COL28A1: variants seen among roughly 807,000 people sequenced by gnomAD.
COL28A1 encodes collagen type XXVIII alpha 1 chain.
Under a neutral mutation model 150.2 loss-of-function variants are expected in COL28A1, and 161 were observed. That is an observed-to-expected ratio of 1.07 (90% CI 0.94 to 1.22). The LOEUF (loss-of-function observed/expected upper bound fraction) is 1.22. Ranked by LOEUF, COL28A1 falls within the 50% of genes most tolerant of loss-of-function variation. The pLI is 0.00. For synonymous variants in COL28A1, 552 were observed against 469.7 expected (o/e 1.18, Z -2.26); for missense variants, 1,617 against 1,388.3 (o/e 1.16, Z -2.62).
Position 7,448,634 on chromosome 7 carries a change from A to G in COL28A1, c.1509+3685T>C, listed in dbSNP as rs987395942. On this transcript the variant is annotated intron_variant, in intron 18 of 34. Coordinates refer to ENST00000399429, the MANE Select transcript of COL28A1 (RefSeq NM_001037763.3). ...CATTTATAACATTTTATTTATGATAAAATTTATAAAAATTTATAAAATTTA... is the reference window on the plus strand; with the variant it reads ...CATTTATAACATTTTATTTATGATAGAATTTATAAAAATTTATAAAATTTA... 2.0e-5 allele frequency among the ~76,000 whole-genome samples: 3 copies of G among 151,222 alleles called. No homozygotes were observed. In the South Asian group the frequency reaches 6.2e-4, roughly 31 times the overall value.
chr7:7,522,046 C>T (rs1481101853), intron 4 of COL28A1, 85 bp from the exon 5 acceptor site: 1 of 786,390 alleles, frequency 1.3e-6, no homozygotes, highest in Non-Finnish European at 2.3e-6. Context: ...AAATACATTT[C>T]AAAGTGTATT....
chr7:7,485,163 T>C (rs1004927739), intron 13 of COL28A1, among the ~76,000 whole-genome samples: 2 of 152,040 alleles, frequency 1.3e-5, no homozygotes, highest in African/African-American at 4.8e-5. Context: ...TAAAGTTTAG[T>C]AACCACAAAA....
intron 21 of COL28A1, among the ~76,000 whole-genome samples, chr7:7,440,568 C>T (rs1049878866): frequency 9.9e-5 from 15 of 152,190 alleles, no homozygotes; most frequent in African/African-American, 3.4e-4. Flanking sequence ...AAATTAGGAA[C>T]ATAAGTATTT....
At chr7:7,392,125 C>G (rs187227045) in intron 27 of COL28A1, among the ~76,000 whole-genome samples, 135 of 152,296 alleles carry the variant, frequency 8.9e-4, no homozygotes, top group Non-Finnish European at 1.6e-3. Context: ...CTGGTTGTTC[C>G]TTTCCATGTT....
chr7:7,503,570 G>C (rs1477121961), intron 11 of COL28A1, among the ~76,000 whole-genome samples: 4 of 152,156 alleles, frequency 2.6e-5, no homozygotes, highest in Non-Finnish European at 5.9e-5. Context: ...TTTCCAGATT[G>C]AGGAACAAAA....
At chr7:7,338,284 C>T in the COL28A1 span, among the ~76,000 whole-genome samples, 1 of 152,004 alleles carries the variant, frequency 6.6e-6, no homozygotes, top group Non-Finnish European at 1.5e-5. Context: ...TAGCTCTGGG[C>T]AGTATGGTCG....
At chr7:7,404,673 C>T (rs761517248) in intron 27 of COL28A1, among the ~76,000 whole-genome samples, 3 of 152,088 alleles carry the variant, frequency 2.0e-5, no homozygotes, top group Non-Finnish European at 4.4e-5. Context: ...TTACATCACA[C>T]ACTTCTAACC....
chr7:7,451,422 C>T (rs1006824047), intron 18 of COL28A1, among the ~76,000 whole-genome samples: 1 of 152,072 alleles, frequency 6.6e-6, no homozygotes, highest in Admixed American at 6.5e-5. Flanking sequence ...GACGGGGTTT[C>T]ACCATGTTGG....
chr7:7,539,677 T>C (rs1782752108), upstream of COL28A1, among the ~76,000 whole-genome samples: 1 of 152,230 alleles, frequency 6.6e-6, no homozygotes, highest in Non-Finnish European at 1.5e-5. Context: ...TGCTTAAATG[T>C]GGAACAGCGT....
chr7:7,507,843 G>T (rs931980238), intron 9 of COL28A1, among the ~76,000 whole-genome samples: 6 of 152,022 alleles, frequency 3.9e-5, no homozygotes, highest in Non-Finnish European at 8.8e-5. Context: ...GCATATTTTC[G>T]TCCAGTTTTA....
At chr7:7,344,640 C>T in the COL28A1 span, among the ~76,000 whole-genome samples, 86 of 152,036 alleles carry the variant, frequency 5.7e-4, no homozygotes, top group African/African-American at 1.9e-3. Flanking sequence ...CTTTTAAATG[C>T]ATTAAGAAAA....
intron 11 of COL28A1, among the ~76,000 whole-genome samples, chr7:7,494,120 T>A (rs540425856): frequency 6.6e-6 from 1 of 152,154 alleles, no homozygotes; most frequent in Non-Finnish European, 1.5e-5. Context: ...TTTTCAGAAA[T>A]TAAGAACACC....
chr7:7,387,746 A>T (rs970635660), intron 27 of COL28A1, among the ~76,000 whole-genome samples: 8 of 152,232 alleles, frequency 5.3e-5, no homozygotes, highest in African/African-American at 1.9e-4. Context: ...ACATTAATAC[A>T]TAAAATGAAT....
chr7:7,416,792 C>T (rs1583322393), intron 27 of COL28A1, among the ~76,000 whole-genome samples: 1 of 152,180 alleles, frequency 6.6e-6, no homozygotes, highest in Non-Finnish European at 1.5e-5. Context: ...CTGCTCTTGA[C>T]TAAGCTTACT....
intron 27 of COL28A1, among the ~76,000 whole-genome samples, chr7:7,395,610 T>C (rs1782792287): frequency 6.6e-6 from 1 of 152,146 alleles, no homozygotes; most frequent in Non-Finnish European, 1.5e-5. Flanking sequence ...TGGCTAACCA[T>C]CAGTTATAGT....
At chr7:7,378,064 G>A (rs191092770) in intron 30 of COL28A1, among the ~76,000 whole-genome samples, 31 of 152,228 alleles carry the variant, frequency 2.0e-4, no homozygotes, top group Non-Finnish European at 3.1e-4. Flanking sequence ...AGTCTCATAC[G>A]TCTATAAGAC....
intron 3 of COL28A1, among the ~76,000 whole-genome samples, chr7:7,530,276 T>C (rs556051583): frequency 1.3e-5 from 2 of 152,240 alleles, no homozygotes; most frequent in South Asian, 4.2e-4. Context: ...AAATGCCTAA[T>C]ACAGAGAGAG....
the COL28A1 span, among the ~76,000 whole-genome samples, chr7:7,344,432 T>G: frequency 2.0e-4 from 30 of 152,268 alleles, no homozygotes; most frequent in African/African-American, 7.0e-4. Flanking sequence ...GTCTAGTGAT[T>G]ATAATATGCA....
rs558348379 is a variant in COL28A1 at position 7,460,691 on chromosome 7, T to C, written c.1303-4579A>G. On this transcript the variant is annotated intron_variant, in intron 15 of 34. Transcript: ENST00000399429. ...GCCACTGCGCCCGGCCAAGTCAATG[T>C]TTTTAACAACTGTTTTCTTTACTAA... Among the ~76,000 whole-genome samples the C allele has an allele frequency of 6.6e-5, 10 of 152,334 alleles. No individual in the cohort carries two copies. In the South Asian group the frequency reaches 2.1e-3, roughly 32 times the overall value.
Sources: gnomAD v4.1 joint callset for allele counts (sites outside exome capture counted in the v4.1 genomes callset) on GRCh38, gnomAD v4.1.1 for gene constraint, MANE v1.5 for transcripts, NCBI Gene and HGNC (gene_info 2026-07-23, HGNC 2026-07-21) for gene names.